The following GRID2 variants were observed in gnomAD, a reference collection of about 807,000 sequenced individuals.
GRID2 encodes the protein glutamate receptor ionotropic, delta-2.
In GRID2, 33 loss-of-function variants were observed where a neutral mutation model predicts 114.8. The observed-to-expected ratio is 0.29, with a 90% CI of 0.22 to 0.38. GRID2 has a LOEUF of 0.38. Ranked by LOEUF, GRID2 falls within the 10% of genes least tolerant of loss-of-function variation. The pLI, the probability that GRID2 is intolerant of heterozygous loss-of-function variation, is 1.00. For missense variants in GRID2, 1,184 were observed against 1,257.7 expected (o/e 0.94, Z 0.89); for synonymous variants, 505 against 449.9 (o/e 1.12, Z -1.55).
At chr4:93,408,427 G>C (rs2149348990) in intron 9 of GRID2, among the ~76,000 whole-genome samples, 1 of 151,960 alleles carries the variant, frequency 6.6e-6, no homozygotes, top group Middle Eastern at 3.4e-3. Flanking sequence ...AGGAAAGCAG[G>C]ATCTTATAGG....
At chr4:93,710,604 G>T (rs1009225354) in intron 14 of GRID2, among the ~76,000 whole-genome samples, 10 of 152,134 alleles carry the variant, frequency 6.6e-5, no homozygotes, top group Non-Finnish European at 1.3e-4. Context: ...TTTATTCAAG[G>T]CCCAAGGGCT....
At chr4:93,727,586 G>T (rs1332788152) in intron 14 of GRID2, among the ~76,000 whole-genome samples, 4 of 152,144 alleles carry the variant, frequency 2.6e-5, no homozygotes, top group Non-Finnish European at 4.4e-5. Context: ...TGTACTTCTG[G>T]TAGAATTCGG....
chr4:93,258,831 T>C, intron 8 of GRID2: 1 of 447,034 alleles, frequency 2.2e-6, no homozygotes. Flanking sequence ...ATAAACAACA[T>C]GAAAGTAATT....
chr4:93,127,239 T>G (rs909494725), intron 4 of GRID2, among the ~76,000 whole-genome samples: 1 of 152,232 alleles, frequency 6.6e-6, no homozygotes, highest in African/African-American at 2.4e-5. Flanking sequence ...GAAATGCATT[T>G]TTTTTGGAGT....
At chr4:92,786,350 T>C (rs1344067678) in intron 2 of GRID2, among the ~76,000 whole-genome samples, 1 of 151,884 alleles carries the variant, frequency 6.6e-6, no homozygotes, top group Non-Finnish European at 1.5e-5. Context: ...TATCGTGATA[T>C]CTGCTTTGAA....
At chr4:92,391,835 G>A (rs998584355) in intron 1 of GRID2, among the ~76,000 whole-genome samples, 1 of 152,058 alleles carries the variant, frequency 6.6e-6, no homozygotes, top group Non-Finnish European at 1.5e-5. Flanking sequence ...AGGCAGTTTT[G>A]CTATACAAGA....
chr4:92,392,320 C>T (rs934356455), intron 1 of GRID2, among the ~76,000 whole-genome samples: 2 of 151,932 alleles, frequency 1.3e-5, no homozygotes, highest in African/African-American at 4.8e-5. Flanking sequence ...AGGCCAAGGT[C>T]ACAAGGTCAG....
At chr4:93,107,557 GA>G (rs1732359901) in intron 3 of GRID2, among the ~76,000 whole-genome samples, 1 of 151,676 alleles carries the variant, frequency 6.6e-6, no homozygotes, top group South Asian at 2.1e-4. Flanking sequence ...AATTTTTTTT[GA>G]GGGGGCATCT....
chr4:92,623,013 A>G (rs925491473), intron 2 of GRID2, among the ~76,000 whole-genome samples: 1 of 151,686 alleles, frequency 6.6e-6, no homozygotes, highest in Admixed American at 6.6e-5. Context: ...GTTCATCACT[A>G]TTGGGAATCT....
intron 2 of GRID2, among the ~76,000 whole-genome samples, chr4:93,008,413 T>A (rs1721785404): frequency 6.6e-6 from 1 of 152,140 alleles, no homozygotes; most frequent in Admixed American, 6.6e-5. Flanking sequence ...GTAACAGCCT[T>A]TGAAGTCTCC....
chr4:92,575,524 A>G (rs973987140), intron 1 of GRID2, among the ~76,000 whole-genome samples: 1 of 151,812 alleles, frequency 6.6e-6, no homozygotes, highest in Admixed American at 6.6e-5. Flanking sequence ...GTTTGTTTTT[A>G]TGTTTATTTG....
intron 2 of GRID2, among the ~76,000 whole-genome samples, chr4:92,788,732 C>A (rs1478638060): frequency 6.6e-6 from 1 of 151,658 alleles, no homozygotes; most frequent in Non-Finnish European, 1.5e-5. Context: ...TATTATCTAT[C>A]TTAAGATATT....
At chr4:92,559,959 C>T (rs1174393249) in intron 1 of GRID2, among the ~76,000 whole-genome samples, 1 of 152,074 alleles carries the variant, frequency 6.6e-6, no homozygotes, top group African/African-American at 2.4e-5. Flanking sequence ...AGAATCAAAT[C>T]AGTATAATTT....
At chr4:93,617,746 T>TA (rs142672606) in intron 13 of GRID2, among the ~76,000 whole-genome samples, 58 of 152,280 alleles carry the variant, frequency 3.8e-4, no homozygotes, top group Non-Finnish European at 5.7e-4. Context: ...AAAGGACTGT[T>TA]AATACTCATG....
intron 14 of GRID2, among the ~76,000 whole-genome samples, chr4:93,687,859 A>T (rs890657140): frequency 1.3e-5 from 2 of 151,958 alleles, no homozygotes; most frequent in Non-Finnish European, 1.5e-5. Context: ...AAGATTATAA[A>T]AGTATATTAT....
chr4:92,629,328 C>A (rs1730677561), intron 2 of GRID2, among the ~76,000 whole-genome samples: 1 of 151,846 alleles, frequency 6.6e-6, no homozygotes, highest in Non-Finnish European at 1.5e-5. Context: ...ATAAATAGTA[C>A]CATGGTATCA....
chr4:93,555,238 C>A (rs2149551251), intron 13 of GRID2, among the ~76,000 whole-genome samples: 1 of 152,224 alleles, frequency 6.6e-6, no homozygotes, highest in Non-Finnish European at 1.5e-5. Flanking sequence ...CCAGTGGCAA[C>A]TGGAATGCCA....
chr4:93,772,168 G>A lies in GRID2; in HGVS notation c.2694G>A (p.Ser898=), dbSNP rs759890016. ...DDSPHKQFST[S]SIDLTPLDID... The stretch of plus-strand genomic sequence containing the variant: ...GCCCCCATAAACAGTTTTCCACCTC[G>A]TCAATTGATTTGACCCCTCTGGACA... Residue 898 remains serine (S), a synonymous_variant, in exon 16 of 16, where the codon TCG becomes TCA. Coordinates refer to ENST00000282020, the MANE Select transcript of GRID2 (RefSeq NM_001510.4). The A allele has an allele frequency of 1.5e-5, 24 of 1,613,570 alleles. No individual in the cohort carries two copies. Among genetic ancestry groups the A allele is most frequent in the African/African-American group, 2.7e-5 (2 of 74,834 alleles).
chr4:92,330,945 T>C (rs1354317785), intron 1 of GRID2, among the ~76,000 whole-genome samples: 2 of 152,190 alleles, frequency 1.3e-5, no homozygotes, highest in Non-Finnish European at 2.9e-5. Flanking sequence ...AAGTATGCAC[T>C]GGAATTTCAC....
Sources: allele counts gnomAD v4.1 joint callset (sites outside exome capture counted in the v4.1 genomes callset), GRCh38; gene constraint gnomAD v4.1.1; transcripts MANE v1.5; gene names NCBI Gene and HGNC (gene_info 2026-07-23, HGNC 2026-07-21).